Variants in PRKCB observed in about 807,000 individuals in gnomAD.
The protein encoded by PRKCB is protein kinase C beta.
A neutral mutation model predicts 81.5 loss-of-function variants in PRKCB; 13 were observed. The observed-to-expected ratio is 0.16, with a 90% CI of 0.10 to 0.25. The LOEUF is 0.25. PRKCB is among the 10% of genes least tolerant of loss of function. The pLI is 1.00. For synonymous variants in PRKCB, 335 were observed against 321.4 expected, an observed-to-expected ratio of 1.04 and a Z score of -0.45; for missense variants, 509 against 875.7, an observed-to-expected ratio of 0.58 and a Z score of 5.29.
intron 5 of PRKCB, among the ~76,000 whole-genome samples, chr16:24,084,381 A>G (rs1966288235): frequency 6.6e-6 from 1 of 152,178 alleles, no homozygotes. Context: ...TAGGGCCAAA[A>G]TGCATAAAGC....
chr16:23,912,188 T>C (rs988288011), intron 2 of PRKCB, among the ~76,000 whole-genome samples: 1 of 152,108 alleles, frequency 6.6e-6, no homozygotes, highest in African/African-American at 2.4e-5. Context: ...ATCTTTCACT[T>C]AGAATCTACC....
At chr16:23,927,933 G>T (rs1361869683) in intron 2 of PRKCB, among the ~76,000 whole-genome samples, 2 of 151,902 alleles carry the variant, frequency 1.3e-5, no homozygotes, top group Non-Finnish European at 2.9e-5. Context: ...TGGGCTCAGG[G>T]TGGAGATCTG....
intron 9 of PRKCB, among the ~76,000 whole-genome samples, chr16:24,148,126 G>T (rs1967022377): frequency 6.6e-6 from 1 of 152,296 alleles, no homozygotes; most frequent in Middle Eastern, 3.4e-3. Flanking sequence ...ATAGGCCAAG[G>T]TTTGTAGATC....
chr16:24,071,442 A>G (rs1428207564), intron 5 of PRKCB, among the ~76,000 whole-genome samples: 1 of 141,734 alleles, frequency 7.1e-6, no homozygotes, highest in Non-Finnish European at 1.5e-5. Flanking sequence ...TGTCTAAAAA[A>G]AAAAAAAAAA....
chr16:24,063,658 T>C, intron 5 of PRKCB, among the ~76,000 whole-genome samples: 1 of 152,122 alleles, frequency 6.6e-6, no homozygotes, highest in East Asian at 1.9e-4. Flanking sequence ...GTTTGCAGCA[T>C]GCGCTTAGGG....
chr16:24,020,912 A>G (rs541385435), intron 3 of PRKCB, among the ~76,000 whole-genome samples: 1 of 152,000 alleles, frequency 6.6e-6, no homozygotes, highest in Non-Finnish European at 1.5e-5. Context: ...CTTCAGCCCA[A>G]CCAGATTTCA....
At chr16:24,164,689 G>A (rs1287791256) in intron 10 of PRKCB, among the ~76,000 whole-genome samples, 1 of 152,208 alleles carries the variant, frequency 6.6e-6, no homozygotes, top group African/African-American at 2.4e-5. Context: ...AGCCCAGCGA[G>A]ATGAGAGTTG....
In PRKCB at chr16:24,218,331, G is replaced by C; in HGVS notation, c.*3515G>C. On this transcript the variant is annotated 3_prime_UTR_variant, in exon 17 of 17. Coordinates refer to ENST00000643927, the MANE Select transcript of PRKCB (RefSeq NM_002738.7). ...GAACACCGGAAGTAACATGCCGAGC[G>C]CCTGGGGGATGGAAACTCCTATAGC... is the stretch of plus-strand genomic sequence containing the variant. 2 of 985,278 alleles carry C rather than the reference G, an allele frequency of 2.0e-6. No individual in the cohort carries two copies. The highest frequency in any genetic ancestry group is 9.4e-5 in the South Asian group (2 of 21,276). The allele number at this position is 985,278 out of a possible 1,614,324, so 61.0% of individuals were successfully genotyped here.
intron 3 of PRKCB, among the ~76,000 whole-genome samples, chr16:24,020,728 T>TTGCC (rs1163994042): frequency 6.6e-6 from 1 of 152,212 alleles, no homozygotes; most frequent in African/African-American, 2.4e-5. Context: ...CAATTTAACC[T>TTGCC]TGCCTACCTA....
chr16:23,852,057 C>G (rs746671068), intron 2 of PRKCB, among the ~76,000 whole-genome samples: 3 of 152,122 alleles, frequency 2.0e-5, no homozygotes, highest in Non-Finnish European at 4.4e-5. Flanking sequence ...ATCACCTTGT[C>G]AACAAATAGA....
intron 2 of PRKCB, among the ~76,000 whole-genome samples, chr16:23,900,727 T>TTTTTTTTTTTTTG (rs1963458138): frequency 1.5e-5 from 2 of 134,620 alleles, no homozygotes; most frequent in African/African-American, 5.9e-5. Context: ...GGTTTTTTTT[T>TTTTTTTTTTTTTG]TTTTTTTTTT....
At chr16:23,955,883 A>G (rs886650405) in intron 2 of PRKCB, among the ~76,000 whole-genome samples, 1 of 152,204 alleles carries the variant, frequency 6.6e-6, no homozygotes, top group Admixed American at 6.5e-5. Flanking sequence ...TCTTCATTCA[A>G]TGTGAGATAC....
At chr16:24,151,658 G>T in intron 9 of PRKCB, 1 of 387,188 alleles carries the variant, frequency 2.6e-6, no homozygotes, top group South Asian at 1.9e-5. Context: ...AGCATGGAAG[G>T]ACGTCATAGA....
chr16:24,029,317 T>C (rs530640230), intron 3 of PRKCB, among the ~76,000 whole-genome samples: 11 of 152,310 alleles, frequency 7.2e-5, no homozygotes, highest in African/African-American at 1.4e-4. Flanking sequence ...GTGGAGGCAA[T>C]TGAATCTTGG....
At chr16:24,015,328 G>A (rs142410277) in intron 3 of PRKCB, among the ~76,000 whole-genome samples, 22 of 152,342 alleles carry the variant, frequency 1.4e-4, no homozygotes, top group Non-Finnish European at 2.6e-4. Flanking sequence ...GAGGCTGCAC[G>A]ACTGGAAATT....
chr16:24,182,508 G>C (rs551527635), intron 13 of PRKCB, among the ~76,000 whole-genome samples: 1 of 152,144 alleles, frequency 6.6e-6, no homozygotes, highest in Non-Finnish European at 1.5e-5. Flanking sequence ...GCGACTGAGC[G>C]AGACTCTGTC....
chr16:24,149,613 C>G (rs746552016), intron 9 of PRKCB, among the ~76,000 whole-genome samples: 21 of 152,286 alleles, frequency 1.4e-4, no homozygotes, highest in Non-Finnish European at 2.4e-4. Context: ...ACTCCCAGGT[C>G]ACAGCCCAGA....
Position 24,124,104 on chromosome 16 carries a change from A to T in PRKCB, c.1065+123A>T, listed in dbSNP as rs1427481719. 9.6e-6 allele frequency: 11 copies of T among 1,142,944 alleles called. 1 individual carries two copies. The highest frequency in any genetic ancestry group is 3.1e-5 in the African/African-American group (2 of 64,344). 70.8% of individuals were successfully genotyped at this position (1,142,944 alleles called of 1,614,324 possible). On this transcript the variant is annotated intron_variant, in intron 9 of 16. Coordinates refer to ENST00000643927, the MANE Select transcript of PRKCB (RefSeq NM_002738.7). ...GAGAGTAAGAAGTAAATAGAGCCACACTACACTTTGTAATGAATACCATGA... is the reference window on the plus strand; with the variant it reads ...GAGAGTAAGAAGTAAATAGAGCCACTCTACACTTTGTAATGAATACCATGA...
intron 3 of PRKCB, among the ~76,000 whole-genome samples, chr16:23,999,453 G>A (rs1312806680): frequency 6.6e-6 from 1 of 152,162 alleles, no homozygotes; most frequent in East Asian, 1.9e-4. Flanking sequence ...TATGAACCAG[G>A]CACTGTCCCG....
Sources: allele counts gnomAD v4.1 joint callset (sites outside exome capture counted in the v4.1 genomes callset), GRCh38; gene constraint gnomAD v4.1.1; transcripts MANE v1.5; gene names NCBI Gene and HGNC (gene_info 2026-07-23, HGNC 2026-07-21).